The following AHI1 variants were observed in gnomAD, a reference collection of about 807,000 sequenced individuals.
AHI1 encodes the protein jouberin.
A neutral mutation model predicts 149.3 loss-of-function variants in AHI1; 123 were observed. That is an observed-to-expected ratio of 0.82 (90% CI 0.71 to 0.96). AHI1 has a LOEUF of 0.96. Among genes scored for constraint, AHI1 ranks in the 40% least tolerant of loss-of-function variants. The probability of loss-of-function intolerance (pLI) is 0.00; values close to 1 mark genes in which losing one functional copy is unlikely to be tolerated. For missense variants in AHI1, 1,439 were observed against 1,422.7 expected (o/e 1.01, Z -0.18); for synonymous variants, 475 against 459.8 (o/e 1.03, Z -0.42).
Position 135,404,800 on chromosome 6 carries a change from G to C in AHI1, c.2988+151C>G, listed in dbSNP as rs147823133. The C allele has an allele frequency of 1.8e-4, 115 of 634,386 alleles. No individual in the cohort carries two copies. In the Middle Eastern group the frequency reaches 3.8e-3, roughly 21 times the overall value. 39.3% of individuals were successfully genotyped at this position (634,386 alleles called of 1,614,324 possible). A position where few individuals can be genotyped will look rare whatever the true frequency, so the allele number is the denominator to read the frequency against. ...TACTAAATTATCAGCTTCCAGTATT[G>C]TAATTCTGTGATAAAGCTGAGCTCC... On this transcript the variant is annotated intron_variant, in intron 22 of 28. Coordinates refer to ENST00000265602, the MANE Select transcript of AHI1 (RefSeq NM_001134831.2).
At chr6:135,320,862 C>A (rs75599800) in intron 25 of AHI1, among the ~76,000 whole-genome samples, 4 of 152,276 alleles carry the variant, frequency 2.6e-5, no homozygotes, top group African/African-American at 9.6e-5. Context: ...TAAACAGAAG[C>A]TACTCCTGTT....
rs138952884 is a variant in AHI1 at position 135,410,001 on chromosome 6, G to C, written c.2961+1347C>G. On this transcript the variant is annotated intron_variant, in intron 21 of 28. Transcript: ENST00000265602. ...AACTAACATTTATCAGTGGCACTAT[G>C]TATCAGACACCCTGTTAAGAGGTTT... Among the ~76,000 whole-genome samples the C allele has an allele frequency of 3.0e-3, 456 of 152,206 alleles. 7 individuals carry two copies. Among genetic ancestry groups the C allele is most frequent in the Middle Eastern group, 0.014 (4 of 294 alleles).
intron 20 of AHI1, among the ~76,000 whole-genome samples, chr6:135,419,317 C>T (rs934753312): frequency 1.3e-5 from 2 of 152,054 alleles, no homozygotes; most frequent in Admixed American, 1.3e-4. Context: ...GTTCCTATTC[C>T]ATTATCAATC....
intron 24 of AHI1, among the ~76,000 whole-genome samples, chr6:135,341,981 T>C (rs1790440714): frequency 6.7e-6 from 1 of 149,062 alleles, no homozygotes; most frequent in South Asian, 2.1e-4. Flanking sequence ...AGAAAAAGAG[T>C]AGAGAAAATT....
intron 5 of AHI1, among the ~76,000 whole-genome samples, chr6:135,482,894 C>CTTTTTTTTTTT (rs761997683): frequency 0.011 from 590 of 55,704 alleles, 220 homozygotes; most frequent in African/African-American, 0.05. Flanking sequence ...CCATTTAAGG[C>CTTTTTTTTTTT]TTTTTTTTTT....
Position 135,302,278 on chromosome 6 carries a change from C to T in AHI1, c.3427-1720G>A, listed in dbSNP as rs970126172. 14 of 985,366 alleles carry T rather than the reference C, an allele frequency of 1.4e-5. No homozygotes were observed. In the African/African-American group the frequency reaches 2.4e-4, roughly 17 times the overall value. The allele number at this position is 985,366 out of a possible 1,614,324, so 61.0% of individuals were successfully genotyped here. The stretch of plus-strand genomic sequence containing the variant: ...TTTTCAAAAAACTCAACATTAAGGG[C>T]TCTAATCAGAAATTCTCATCAATTT... On this transcript the variant is annotated intron_variant, in intron 26 of 28. Transcript: ENST00000265602.
At chr6:135,291,034 T>C (rs1177306064) in intron 27 of AHI1, among the ~76,000 whole-genome samples, 1 of 152,078 alleles carries the variant, frequency 6.6e-6, no homozygotes, top group African/African-American at 2.4e-5. Flanking sequence ...GAATGAACAA[T>C]GTAGCTTTCC....
At chr6:135,445,274 T>G (rs1786991758) in intron 13 of AHI1, among the ~76,000 whole-genome samples, 2 of 152,236 alleles carry the variant, frequency 1.3e-5, no homozygotes, top group Admixed American at 1.3e-4. Flanking sequence ...TGGATAAATT[T>G]CATCTGGTAG....
intron 20 of AHI1, among the ~76,000 whole-genome samples, chr6:135,421,327 C>A (rs557334545): frequency 7.2e-5 from 11 of 152,192 alleles, no homozygotes; most frequent in Admixed American, 1.3e-4. Context: ...ATAGAATTGC[C>A]ACAAACCTTC....
intron 21 of AHI1, among the ~76,000 whole-genome samples, chr6:135,409,649 T>C (rs1781299949): frequency 6.6e-6 from 1 of 152,200 alleles, no homozygotes; most frequent in Non-Finnish European, 1.5e-5. Context: ...TTGGCTCTCA[T>C]GGAGAAGTTC....
intron 5 of AHI1, among the ~76,000 whole-genome samples, chr6:135,475,177 T>A (rs931587717): frequency 4.6e-5 from 7 of 152,236 alleles, no homozygotes; most frequent in Non-Finnish European, 8.8e-5. Context: ...TCTAAACTGC[T>A]AAATTTATTG....
intron 24 of AHI1, among the ~76,000 whole-genome samples, chr6:135,341,378 T>C (rs1790350721): frequency 6.6e-6 from 1 of 151,862 alleles, no homozygotes; most frequent in Admixed American, 6.6e-5. Context: ...TGTATAATAA[T>C]AAAAGGGTCA....
rs535243555 is a variant in AHI1 at position 135,429,867 on chromosome 6, C to A, written c.2492+15G>T. The A allele has an allele frequency of 7.0e-7, 1 of 1,426,044 alleles. No homozygotes were observed. Among genetic ancestry groups the A allele is most frequent in the Non-Finnish European group, 9.7e-7 (1 of 1,030,676 alleles). 88.3% of individuals were successfully genotyped at this position (1,426,044 alleles called of 1,614,324 possible). ...TCTGTGAGTACTTATCCTGTCAACACTGAAATATACTTACATCCGGAGATC... is the reference window on the plus strand; with the variant it reads ...TCTGTGAGTACTTATCCTGTCAACAATGAAATATACTTACATCCGGAGATC... On this transcript the variant is annotated intron_variant, in intron 18 of 28. Coordinates refer to ENST00000265602, the MANE Select transcript of AHI1 (RefSeq NM_001134831.2).
At chr6:135,361,366 A>G (rs1269327061) in intron 23 of AHI1, among the ~76,000 whole-genome samples, 1 of 152,160 alleles carries the variant, frequency 6.6e-6, no homozygotes, top group African/African-American at 2.4e-5. Context: ...CTTTCACATG[A>G]GATCATTAAT....
chr6:135,490,339 C>A, intron 5 of AHI1: 1 of 672,624 alleles, frequency 1.5e-6, no homozygotes, highest in Non-Finnish European at 2.7e-6. Flanking sequence ...ATATTTTCTT[C>A]AAAAATGTTA....
intron 23 of AHI1, among the ~76,000 whole-genome samples, chr6:135,378,774 C>T (rs1776293386): frequency 1.3e-5 from 2 of 152,070 alleles, no homozygotes; most frequent in South Asian, 4.1e-4. Context: ...TTCAGTATTT[C>T]CTTTTTACTG....
chr6:135,477,204 C>T (rs1483345786), intron 5 of AHI1, among the ~76,000 whole-genome samples: 4 of 151,972 alleles, frequency 2.6e-5, no homozygotes, highest in African/African-American at 7.3e-5. Context: ...CCACGCCCGG[C>T]TAATTTTTTG....
In AHI1 at chr6:135,302,150, T is replaced by C. The variant is rs73557696; in HGVS notation, c.3427-1592A>G. The C allele has an allele frequency of 1.3e-3, 1,258 of 985,270 alleles. 19 individuals are homozygous for C. In the African/African-American group the frequency reaches 0.02, roughly 16 times the overall value. 61.0% of individuals were successfully genotyped at this position (985,270 alleles called of 1,614,324 possible). ...GGGATTACAGGTGTGCGCCTCCATG[T>C]CCAGCTATTCTTTACAAGGTCTCAG... On this transcript the variant is annotated intron_variant, in intron 26 of 28. Transcript: ENST00000265602.
At chr6:135,410,520 C>T (rs1190065098) in intron 21 of AHI1, among the ~76,000 whole-genome samples, 2 of 152,246 alleles carry the variant, frequency 1.3e-5, no homozygotes, top group Non-Finnish European at 2.9e-5. Context: ...GAGCTACACT[C>T]TAAACCATAG....
Sources: gnomAD v4.1 joint callset for allele counts (sites outside exome capture counted in the v4.1 genomes callset) on GRCh38, gnomAD v4.1.1 for gene constraint, MANE v1.5 for transcripts, NCBI Gene and HGNC (gene_info 2026-07-23, HGNC 2026-07-21) for gene names.